The following CRACD variants were observed in gnomAD, a reference collection of about 807,000 sequenced individuals.
CRACD encodes capping protein inhibiting regulator of actin dynamics.
Under a neutral mutation model 106.8 loss-of-function variants are expected in CRACD, and 56 were observed. The observed-to-expected ratio is 0.52, with a 90% CI of 0.42 to 0.66. The LOEUF (loss-of-function observed/expected upper bound fraction) is 0.66, where lower values mean the gene tolerates loss of function less well. Among genes scored for constraint, CRACD ranks in the 30% least tolerant of loss-of-function variants. The pLI, the probability that CRACD is intolerant of heterozygous loss-of-function variation, is 0.00. For synonymous variants in CRACD, 754 were observed against 670.8 expected (o/e 1.12, Z -1.92); for missense variants, 1,730 against 1,623.2 (o/e 1.07, Z -1.13).
intron 2 of CRACD, among the ~76,000 whole-genome samples, chr4:56,198,202 C>T (rs1737711409): frequency 1.3e-5 from 2 of 152,094 alleles, no homozygotes; most frequent in Non-Finnish European, 2.9e-5. Context: ...CAAAAACGTA[C>T]ATATAAAATG....
intron 2 of CRACD, among the ~76,000 whole-genome samples, chr4:56,239,891 T>C (rs1183914639): frequency 6.6e-6 from 1 of 152,154 alleles, no homozygotes; most frequent in Non-Finnish European, 1.5e-5. Context: ...ATGCACACTT[T>C]AGACAGTACA....
chr4:56,171,730 C>T (rs1736372438), intron 1 of CRACD, among the ~76,000 whole-genome samples: 1 of 152,106 alleles, frequency 6.6e-6, no homozygotes, highest in Non-Finnish European at 1.5e-5. Context: ...AAGAAATGTT[C>T]CCTGTGCAGA....
chr4:56,315,131 C>T lies in CRACD; in HGVS notation c.1629C>T (p.Ser543=), dbSNP rs374029241. 3 of 1,609,610 alleles carry T rather than the reference C, an allele frequency of 1.9e-6. No individual in the cohort carries two copies. The South Asian group carries it at 3.3e-5, about 18-fold the overall frequency. Residue 543 remains serine, a synonymous_variant, in exon 8 of 11, where the codon TCC becomes TCT. Transcript: ENST00000682029. This position sits in a 1 kb window ranked among gnomAD's most constrained non-coding sequence, Gnocchi z 4.1. The part of the protein sequence containing the change: ...MPRPYTFQVS[S]GGKQILFPKV... ...GGCCCTACACGTTCCAGGTGTCCTC[C>T]GGAGGGAAGCAGATTCTCTTTCCCA...
intron 2 of CRACD, among the ~76,000 whole-genome samples, chr4:56,198,964 C>T (rs945297202): frequency 3.3e-5 from 5 of 151,866 alleles, no homozygotes; most frequent in African/African-American, 1.2e-4. Flanking sequence ...TACTTCCTGA[C>T]TTTTTTTTAC....
chr4:56,313,032 C>T (rs1745254676), intron 6 of CRACD, among the ~76,000 whole-genome samples, 165 bp from the exon 7 acceptor site: 1 of 152,186 alleles, frequency 6.6e-6, no homozygotes, highest in Non-Finnish European at 1.5e-5. Flanking sequence ...TCCTTTGGTT[C>T]CAAAACGGGT....
intron 6 of CRACD, 46 bp downstream of exon 6, chr4:56,310,780 C>A: frequency 1.7e-5 from 21 of 1,211,272 alleles, no homozygotes; most frequent in Non-Finnish European, 2.4e-5. Flanking sequence ...CCTTACTTAA[C>A]TTTCATCTTC....
chr4:56,239,844 A>G (rs1740260173), intron 2 of CRACD, among the ~76,000 whole-genome samples: 1 of 152,134 alleles, frequency 6.6e-6, no homozygotes, highest in South Asian at 2.1e-4. Flanking sequence ...AAAAAGCTTT[A>G]TCTTATAATT....
chr4:56,132,844 C>T (rs748902906), intron 1 of CRACD, among the ~76,000 whole-genome samples: 5 of 152,052 alleles, frequency 3.3e-5, no homozygotes, highest in Non-Finnish European at 7.4e-5. Flanking sequence ...TCTCCCCTCC[C>T]GTTCTCATCA....
rs1307201918 is a variant in CRACD, at chr4:56,314,823, CAA to C, written c.1323_1324del (p.Glu443ThrfsTer71). 1.2e-6 allele frequency: 2 copies of C among 1,610,020 alleles called. No homozygotes were observed. The highest frequency in any genetic ancestry group is 1.7e-6 in the Non-Finnish European group (2 of 1,178,910). On this transcript the variant is annotated frameshift_variant, in exon 8 of 11. Coordinates refer to ENST00000682029, the MANE Select transcript of CRACD (RefSeq NM_001393381.1). LOFTEE classifies it high-confidence loss of function. This position sits in a 1 kb window ranked among gnomAD's most constrained non-coding sequence, Gnocchi z 4.4. ...EDQERLKPEG[Q>X]REHSEEPGIC... ...CCAGGAACGCCTGAAACCCGAAGGA[CAA>C]AGAGAACACTCCGAGGAGCCAGGTA...
intron 2 of CRACD, among the ~76,000 whole-genome samples, chr4:56,249,960 A>G (rs1740950840): frequency 6.6e-6 from 1 of 152,236 alleles, no homozygotes; most frequent in Non-Finnish European, 1.5e-5. Flanking sequence ...TACCCAGAAT[A>G]CTGCCATCTG....
At chr4:56,179,014 T>C (rs2899055) in intron 1 of CRACD, among the ~76,000 whole-genome samples, 1 of 152,210 alleles carries the variant, frequency 6.6e-6, no homozygotes, top group African/African-American at 2.4e-5. Context: ...TGTGTAAGCA[T>C]ATGGAAGTCT....
rs370125154 is a variant in CRACD, at chr4:56,221,547, T to G, written c.-189+42117T>G. ...AAGATTTTCTGCACAGCAAAAGAAA[T>G]AATCATCAGAGTAAACAGACAACCC... On this transcript the variant is annotated intron_variant, in intron 2 of 10. Coordinates refer to ENST00000682029, the MANE Select transcript of CRACD (RefSeq NM_001393381.1). Among the ~76,000 whole-genome samples the G allele has an allele frequency of 7.1e-4, 108 of 152,056 alleles. No homozygotes were observed. In the South Asian group the frequency reaches 0.022, roughly 31 times the overall value.
chr4:56,301,248 G>A (rs1258784229), intron 4 of CRACD: 2 of 1,286,870 alleles, frequency 1.6e-6, no homozygotes, highest in Non-Finnish European at 2.0e-6. Flanking sequence ...TATGTTCCTG[G>A]TAAGTCGTAG....
chr4:56,228,683 C>A (rs987977537), intron 2 of CRACD, among the ~76,000 whole-genome samples: 1 of 147,096 alleles, frequency 6.8e-6, no homozygotes, highest in Non-Finnish European at 1.5e-5. Context: ...GTGTGGGTTG[C>A]GGAGAAATCG....
chr4:56,157,243 G>A (rs1735792536), intron 1 of CRACD, among the ~76,000 whole-genome samples: 1 of 152,140 alleles, frequency 6.6e-6, no homozygotes, highest in Non-Finnish European at 1.5e-5. Context: ...CAAGGTGAGA[G>A]GATCACTTGA....
At chr4:56,269,819 G>A (rs1715504) in intron 2 of CRACD, among the ~76,000 whole-genome samples, 106,833 of 151,746 alleles carry the variant, frequency 0.7, 37,679 homozygotes, top group Middle Eastern at 0.86. Flanking sequence ...TGAGGGATCC[G>A]CCCCCATGAT....
intron 3 of CRACD, among the ~76,000 whole-genome samples, chr4:56,293,885 T>A (rs1393745467): frequency 6.6e-6 from 1 of 151,964 alleles, no homozygotes; most frequent in Non-Finnish European, 1.5e-5. Flanking sequence ...TCATGTGTCT[T>A]TTCAAAGATG....
chr4:56,326,741 C>CTT lies in CRACD; in HGVS notation c.3542-888_3542-887dup, dbSNP rs559242636. Among the ~76,000 whole-genome samples the CTT allele has an allele frequency of 5.8e-3, 803 of 137,850 alleles. 25 individuals carry two copies. The highest frequency in any genetic ancestry group is 0.047 in the Admixed American group (642 of 13,714). The allele number at this position is 137,850 out of a possible 152,430, so 90.4% of individuals were successfully genotyped here. On this transcript the variant is annotated intron_variant, in intron 10 of 10. Coordinates refer to ENST00000682029, the MANE Select transcript of CRACD (RefSeq NM_001393381.1). ...GTGGATGCTTTTGTGGGGACGGTAG[C>CTT]TTTTTTTTTTTTTTTTGAAGCAGAG...
chr4:56,282,000 G>A (rs1743065450), intron 3 of CRACD, among the ~76,000 whole-genome samples: 1 of 152,160 alleles, frequency 6.6e-6, no homozygotes, highest in Non-Finnish European at 1.5e-5. Context: ...TATTTTGATA[G>A]AATACGGAAG....
Sources: gnomAD v4.1 joint callset for allele counts (sites outside exome capture counted in the v4.1 genomes callset) on GRCh38, gnomAD v4.1.1 for gene constraint, Gnocchi (gnomAD v3.1) non-coding constraint, MANE v1.5 for transcripts, NCBI Gene and HGNC (gene_info 2026-07-23, HGNC 2026-07-21) for gene names.